Variants in TMEM150C observed in about 807,000 individuals in gnomAD.
The protein encoded by TMEM150C is transmembrane protein 150C.
TMEM150C carries 10 observed loss-of-function variants against 29.9 expected under a neutral mutation model. The ratio of observed to expected loss-of-function variants is 0.33; its 90% confidence interval spans 0.21 to 0.57. The LOEUF is 0.57. TMEM150C is among the 20% of genes least tolerant of loss of function. The pLI, the probability that TMEM150C is intolerant of heterozygous loss-of-function variation, is 0.88. For missense variants in TMEM150C, 251 were observed against 303.6 expected (o/e 0.83, Z 1.29); for synonymous variants, 101 against 112.5 (o/e 0.90, Z 0.64).
intron 1 of TMEM150C, among the ~76,000 whole-genome samples, chr4:82,513,850 A>G (rs1724209584): frequency 6.6e-6 from 1 of 152,242 alleles, no homozygotes; most frequent in Non-Finnish European, 1.5e-5. Context: ...GGAAGCAAAG[A>G]AATAAAGTAG....
chr4:82,495,945 T>TA (rs1560481453), intron 6 of TMEM150C, 123 bp downstream of exon 6: 6 of 1,306,628 alleles, frequency 4.6e-6, no homozygotes, highest in South Asian at 3.0e-5. Flanking sequence ...TCCTAGTTTT[T>TA]AAAAAAAGGT....
At chr4:82,533,724 G>A (rs1008772959) in intron 1 of TMEM150C, among the ~76,000 whole-genome samples, 1 of 152,160 alleles carries the variant, frequency 6.6e-6, no homozygotes, top group African/African-American at 2.4e-5. Context: ...AATGACCATA[G>A]TTTAAGGAGT....
At chr4:82,518,955 C>G (rs534577155) in intron 1 of TMEM150C, among the ~76,000 whole-genome samples, 3 of 152,270 alleles carry the variant, frequency 2.0e-5, no homozygotes, top group South Asian at 2.1e-4. Flanking sequence ...TATACTCCCC[C>G]CAATATCTTG....
intron 1 of TMEM150C, among the ~76,000 whole-genome samples, chr4:82,528,173 C>G (rs1282104570): frequency 6.6e-6 from 1 of 152,170 alleles, no homozygotes. Context: ...GTCATTAGTT[C>G]TAACTGACAG....
intron 2 of TMEM150C, among the ~76,000 whole-genome samples, chr4:82,503,637 T>C (rs948058081): frequency 3.9e-5 from 6 of 151,938 alleles, no homozygotes; most frequent in Non-Finnish European, 4.4e-5. Flanking sequence ...GATCACGAGG[T>C]CAGGAGATCG....
intron 1 of TMEM150C, among the ~76,000 whole-genome samples, chr4:82,537,265 G>A (rs1266397877): frequency 3.9e-5 from 6 of 152,174 alleles, no homozygotes; most frequent in East Asian, 1.9e-4. Flanking sequence ...GATTACAGGC[G>A]TGAGCCACCG....
At chr4:82,519,836 A>C (rs1724427613) in intron 1 of TMEM150C, among the ~76,000 whole-genome samples, 1 of 152,224 alleles carries the variant, frequency 6.6e-6, no homozygotes, top group Admixed American at 6.5e-5. Context: ...CAACTATAAT[A>C]ATATGCTGTA....
chr4:82,515,008 C>CTCACCTGATGTT (rs1724247478), intron 1 of TMEM150C, among the ~76,000 whole-genome samples: 1 of 152,212 alleles, frequency 6.6e-6, no homozygotes, highest in African/African-American at 2.4e-5. Flanking sequence ...GCCCAAACAC[C>CTCACCTGATGTT]TCACCTGATG....
chr4:82,524,771 T>C (rs545477893), intron 1 of TMEM150C, among the ~76,000 whole-genome samples: 44 of 152,268 alleles, frequency 2.9e-4, no homozygotes, highest in Non-Finnish European at 1.6e-4. Context: ...AAACAAGTCC[T>C]ACAAAGCCCA....
rs1229169290 is a variant in TMEM150C at position 82,527,251 on chromosome 4, C to G, written c.-10-22584G>C. Among the ~76,000 whole-genome samples, 5 of 152,094 alleles carry G rather than the reference C, an allele frequency of 3.3e-5. 1 individual carries two copies. Among genetic ancestry groups the G allele is most frequent in the African/African-American group, 1.2e-4 (5 of 41,404 alleles). On this transcript the variant is annotated intron_variant, in intron 1 of 7. Transcript: ENST00000449862. ...ACGTAATTTGGAGGTGAAAGTGAAG[C>G]AGCAGCCATTTACAAAAATGCTCCC...
chr4:82,512,793 A>G (rs1724169875), intron 1 of TMEM150C, among the ~76,000 whole-genome samples: 1 of 152,182 alleles, frequency 6.6e-6, no homozygotes, highest in African/African-American at 2.4e-5. Context: ...AGTTTTTGTT[A>G]TATATATTTC....
intron 1 of TMEM150C, among the ~76,000 whole-genome samples, chr4:82,510,424 G>A (rs1055116779): frequency 6.6e-5 from 10 of 152,198 alleles, no homozygotes; most frequent in Non-Finnish European, 1.5e-4. Context: ...GGGCAATGGA[G>A]AGAGGTAGCT....
chr4:82,514,783 A>G (rs1315588165), intron 1 of TMEM150C, among the ~76,000 whole-genome samples: 2 of 152,110 alleles, frequency 1.3e-5, no homozygotes. Flanking sequence ...CTCATTTCCT[A>G]TGAACCGGGA....
intron 1 of TMEM150C, among the ~76,000 whole-genome samples, chr4:82,549,878 A>G (rs924712526): frequency 2.0e-5 from 3 of 152,230 alleles, no homozygotes; most frequent in Non-Finnish European, 2.9e-5. Flanking sequence ...AGCAAAGAGC[A>G]GAGAGAGGTA....
rs1410559330 is a variant in TMEM150C, at chr4:82,561,957, C to G, written c.-62G>C. The G allele has an allele frequency of 8.1e-6, 9 of 1,105,606 alleles. No individual in the cohort carries two copies. The highest frequency in any genetic ancestry group is 1.7e-5 in the African/African-American group (1 of 57,794). 68.5% of individuals were successfully genotyped at this position (1,105,606 alleles called of 1,614,324 possible). A position where few individuals can be genotyped will look rare whatever the true frequency, so the allele number is the denominator to read the frequency against. ...CGCCTCGAGGGGCTGTGACCTGCTG[C>G]GGTGGCGGCGGCGGCAGCAGTAGCG... On this transcript the variant is annotated 5_prime_UTR_variant, in exon 1 of 8. Coordinates refer to ENST00000449862, the MANE Select transcript of TMEM150C (RefSeq NM_001080506.3).
chr4:82,504,155 A>G (rs1723824803), intron 2 of TMEM150C, among the ~76,000 whole-genome samples: 1 of 152,088 alleles, frequency 6.6e-6, no homozygotes, highest in Admixed American at 6.5e-5. Context: ...AATTAGTAAA[A>G]TATATTATTT....
At chr4:82,515,684 C>T (rs1724272591) in intron 1 of TMEM150C, among the ~76,000 whole-genome samples, 2 of 151,172 alleles carry the variant, frequency 1.3e-5, no homozygotes, top group African/African-American at 4.9e-5. Flanking sequence ...TTGCAGCGAG[C>T]TGAGATCGTG....
intron 1 of TMEM150C, among the ~76,000 whole-genome samples, chr4:82,547,933 CAA>C (rs1725439166): frequency 6.6e-6 from 1 of 152,182 alleles, no homozygotes; most frequent in Non-Finnish European, 1.5e-5. Flanking sequence ...TTCACAATAG[CAA>C]AGACATGGAA....
At chr4:82,535,304 C>G (rs1305713148) in intron 1 of TMEM150C, among the ~76,000 whole-genome samples, 2 of 152,124 alleles carry the variant, frequency 1.3e-5, no homozygotes, top group Non-Finnish European at 1.5e-5. Context: ...GAAGGGCAAG[C>G]ACAAGATGGA....
Sources: gnomAD v4.1 joint callset for allele counts (sites outside exome capture counted in the v4.1 genomes callset) on GRCh38, gnomAD v4.1.1 for gene constraint, MANE v1.5 for transcripts, NCBI Gene and HGNC (gene_info 2026-07-23, HGNC 2026-07-21) for gene names.